Variants in ZNF439 observed in about 807,000 individuals in gnomAD.
The protein encoded by ZNF439 is zinc finger protein 439.
In ZNF439, 40 loss-of-function variants were observed where a neutral mutation model predicts 47.3. That is an observed-to-expected ratio of 0.85 (90% confidence interval 0.66 to 1.10). The LOEUF (loss-of-function observed/expected upper bound fraction) is 1.10. ZNF439 is among the 50% of genes least tolerant of loss of function. The pLI is 0.00. For synonymous variants in ZNF439, 171 were observed against 198.8 expected (o/e 0.86, Z 1.18); for missense variants, 556 against 601.1 (o/e 0.93, Z 0.78).
intron 1 of ZNF439, among the ~76,000 whole-genome samples, chr19:11,859,943 G>GT (rs1476439676): frequency 1.3e-5 from 2 of 152,162 alleles, no homozygotes; most frequent in African/African-American, 4.8e-5. Context: ...GATAACGGCA[G>GT]AAGGACAGTA....
In ZNF439 at chr19:11,867,476, A is replaced by G. The variant is rs757216513; in HGVS notation, c.422A>G (p.Asn141Ser). The G allele has an allele frequency of 1.2e-6, 2 of 1,614,066 alleles. No individual in the cohort carries two copies. Among genetic ancestry groups the G allele is most frequent in the African/African-American group, 2.7e-5 (2 of 74,932 alleles). ...GTTGGCCTAGGTAACTCATCTTCTA[A>G]TATGAACATCAGAGGTGACACTGGA... The part of the protein sequence containing the change: ...CEVGLGNSSS[N>S]MNIRGDTGHK... The change falls in exon 4 of 4, where the codon AAT (asparagine) becomes AGT (serine). Residue 141 changes from asparagine to serine, a missense_variant. Asn to Ser is a conservative substitution (Grantham distance 46, BLOSUM62 1). Coordinates refer to ENST00000682736, the MANE Select transcript of ZNF439 (RefSeq NM_001348719.2).
At position 11,851,959 on chromosome 19, in the gene ZNF439, T is replaced by G. The variant is rs557323924; in HGVS notation, c.63+3029T>G. On this transcript the variant is annotated intron_variant, in intron 1 of 3. Transcript: ENST00000682736. ...CAGTGCACCTGGCTAACAACTTAAT[T>G]TGTTATCGTTTGCTTTTTTCCCCCA... Among the ~76,000 whole-genome samples the G allele has an allele frequency of 1.6e-3, 238 of 152,324 alleles. 1 individual carries two copies. The highest frequency in any genetic ancestry group is 5.6e-3 in the African/African-American group (234 of 41,574).
chr19:11,857,299 T>A (rs1391404137), intron 1 of ZNF439: 1 of 152,246 alleles, frequency 6.6e-6, no homozygotes, highest in African/African-American at 2.4e-5. Flanking sequence ...AGTCGATATT[T>A]CCCATGCTGT....
chr19:11,852,679 T>G (rs536993377), intron 1 of ZNF439, among the ~76,000 whole-genome samples: 7 of 152,066 alleles, frequency 4.6e-5, no homozygotes, highest in Non-Finnish European at 1.0e-4. Flanking sequence ...TCGGCTAATT[T>G]TTGTATTTTT....
At chr19:11,864,470 TGTTTTTAGTAGA>T (rs1976620865) in intron 1 of ZNF439, among the ~76,000 whole-genome samples, 1 of 151,906 alleles carries the variant, frequency 6.6e-6, no homozygotes, top group Admixed American at 6.6e-5. Context: ...CTAATTTTTG[TGTTTTTAGTAGA>T]GATGGAGTTC....
At position 11,867,416 on chromosome 19, in the gene ZNF439, C is replaced by T. The variant is rs146146960; in HGVS notation, c.362C>T (p.Pro121Leu). The T allele has an allele frequency of 6.2e-7, 1 of 1,613,872 alleles. No homozygotes were observed. The highest frequency in any genetic ancestry group is 1.3e-5 in the African/African-American group (1 of 74,908). The change falls in exon 4 of 4, where the codon CCT becomes CTT. Residue 121 changes from proline to leucine, a missense_variant. Physicochemically the swap from Pro to Leu is moderately conservative, Grantham distance 98. Transcript: ENST00000682736. ...AACTTCCAGAAGAAGAAAGCTTCTC[C>T]TGAAGTAAAATCATGTGACAGCTTT... is the stretch of plus-strand genomic sequence containing the variant. Reference protein sequence around the residue: ...RLNFQKKKASPEVKSCDSFVC... With the variant: ...RLNFQKKKASLEVKSCDSFVC...
At chr19:11,860,319 A>G (rs1400417105) in intron 1 of ZNF439, among the ~76,000 whole-genome samples, 2 of 152,164 alleles carry the variant, frequency 1.3e-5, no homozygotes, top group East Asian at 3.9e-4. Context: ...TCAATAGACA[A>G]ATACTGCCCC....
At chr19:11,861,430 G>T (rs1464078134) in intron 1 of ZNF439, among the ~76,000 whole-genome samples, 7 of 152,118 alleles carry the variant, frequency 4.6e-5, no homozygotes, top group Admixed American at 4.6e-4. Flanking sequence ...AGGGTCTAGT[G>T]GGTATCAGTG....
At chr19:11,863,146 A>C in intron 1 of ZNF439, among the ~76,000 whole-genome samples, 1 of 109,612 alleles carries the variant, frequency 9.1e-6, no homozygotes. Flanking sequence ...GCTTGGAAAG[A>C]TTTTGCTTTT....
intron 1 of ZNF439, among the ~76,000 whole-genome samples, chr19:11,852,571 G>A: frequency 6.6e-6 from 1 of 152,182 alleles, no homozygotes; most frequent in Non-Finnish European, 1.5e-5. Context: ...GTGCAGTGGT[G>A]CAATCTCAGC....
chr19:11,851,628 C>T lies in ZNF439; in HGVS notation c.63+2698C>T, dbSNP rs1976243990. ...ATAAATATAATAGGATTACATTTTCCATAGAAGGCTGATGTATGAGGTACA... is the reference window on the plus strand; with the variant it reads ...ATAAATATAATAGGATTACATTTTCTATAGAAGGCTGATGTATGAGGTACA... On this transcript the variant is annotated intron_variant, in intron 1 of 3. Coordinates refer to ENST00000682736, the MANE Select transcript of ZNF439 (RefSeq NM_001348719.2). 2.0e-5 allele frequency among the ~76,000 whole-genome samples: 3 copies of T among 151,930 alleles called. No individual in the cohort carries two copies. In the South Asian group the frequency reaches 6.2e-4, roughly 32 times the overall value.
chr19:11,868,228 T>G lies in ZNF439; in HGVS notation c.1174T>G (p.Cys392Gly), dbSNP rs1420311401. 2 of 1,613,914 alleles carry G rather than the reference T, an allele frequency of 1.2e-6. No homozygotes were observed. The highest frequency in any genetic ancestry group is 1.3e-5 in the African/African-American group (1 of 74,880). ...SGEKPYKCKQ[C>G]GKAFTRSGSF... ...AGAGAAACCGTATAAATGCAAGCAA[T>G]GTGGTAAAGCCTTCACTCGTTCCGG... The change falls in exon 4 of 4, where the codon TGT (cysteine) becomes GGT (glycine). Residue 392 changes from cysteine (C) to glycine (G), a missense_variant. Cys to Gly is a radical substitution (Grantham distance 159, BLOSUM62 -3). Coordinates refer to ENST00000682736, the MANE Select transcript of ZNF439 (RefSeq NM_001348719.2).
intron 1 of ZNF439, chr19:11,865,849 G>A: frequency 8.1e-6 from 2 of 248,096 alleles, no homozygotes; most frequent in Non-Finnish European, 1.4e-5. Flanking sequence ...CCAACATGGA[G>A]AAACCCTGTC....
intron 1 of ZNF439, among the ~76,000 whole-genome samples, chr19:11,860,666 G>T (rs1288341520): frequency 6.6e-6 from 1 of 152,228 alleles, no homozygotes; most frequent in African/African-American, 2.4e-5. Flanking sequence ...CTTGCTTCTA[G>T]TGAACAAGGG....
intron 1 of ZNF439, among the ~76,000 whole-genome samples, chr19:11,854,443 C>T (rs1976330901): frequency 6.6e-6 from 1 of 152,122 alleles, no homozygotes; most frequent in South Asian, 2.1e-4. Context: ...GGGATGCAAC[C>T]CAAAATCATC....
At position 11,868,045 on chromosome 19, in the gene ZNF439, T is replaced by C. The variant is rs1284017323; in HGVS notation, c.991T>C (p.Tyr331His). ...HERTHSRKKL[Y>H]ECKQCGKALS... ...AAGGACCCACTCTAGGAAAAAACTT[T>C]ATGAATGTAAGCAGTGTGGGAAAGC... is the stretch of plus-strand genomic sequence containing the variant. Residue 331 changes from tyrosine to histidine, a missense_variant, in exon 4 of 4, where the codon TAT becomes CAT. By Grantham distance (83) the Tyr-to-His change is moderately conservative. Coordinates refer to ENST00000682736, the MANE Select transcript of ZNF439 (RefSeq NM_001348719.2). 6.2e-7 allele frequency: 1 copy of C among 1,614,212 alleles called. No homozygotes were observed. The highest frequency in any genetic ancestry group is 1.7e-5 in the Admixed American group (1 of 60,018).
intron 1 of ZNF439, among the ~76,000 whole-genome samples, chr19:11,862,901 G>A (rs868003221): frequency 1.4e-4 from 21 of 149,566 alleles, no homozygotes; most frequent in Admixed American, 2.7e-4. Flanking sequence ...GGCATGTACC[G>A]CCATGCCCAG....
At position 11,848,876 on chromosome 19, in the gene ZNF439, C is replaced by T. The variant is rs1976146769; in HGVS notation, c.9C>T (p.Cys3=). 8.9e-6 allele frequency: 14 copies of T among 1,570,498 alleles called. No homozygotes were observed. Among genetic ancestry groups the T allele is most frequent in the Non-Finnish European group, 1.2e-5 (14 of 1,152,856 alleles). The change falls in exon 1 of 4, where the codon TGC becomes TGT. Residue 3 remains cysteine, a synonymous_variant. Coordinates refer to ENST00000682736, the MANE Select transcript of ZNF439 (RefSeq NM_001348719.2). MP[C]FTHRSCREDP... ...GCTCTGTCACCTGCGCTATGCCCTG[C>T]TTTACTCACAGGAGCTGTAGAGAGG...
chr19:11,858,285 C>T (rs527958100), intron 1 of ZNF439: 14 of 145,238 alleles, frequency 9.6e-5, no homozygotes, highest in East Asian at 5.9e-4. Context: ...GGTGAAACCC[C>T]GTCTTTACTA....
Sources: allele counts gnomAD v4.1 joint callset (sites outside exome capture counted in the v4.1 genomes callset), GRCh38; gene constraint gnomAD v4.1.1; transcripts MANE v1.5; gene names NCBI Gene and HGNC (gene_info 2026-07-23, HGNC 2026-07-21).